MGAT4C: variants seen among roughly 807,000 people sequenced by gnomAD.
The protein encoded by MGAT4C is alpha-1,3-mannosyl-glycoprotein 4-beta-N-acetylglucosaminyltransferase C.
In MGAT4C, 19 loss-of-function variants were observed where a neutral mutation model predicts 40.1. The ratio of observed to expected loss-of-function variants is 0.47; its 90% CI spans 0.33 to 0.70. The LOEUF is 0.70. MGAT4C is among the 30% of genes least tolerant of loss of function. The probability of loss-of-function intolerance (pLI) is 0.02; values close to 1 mark genes in which losing one functional copy is unlikely to be tolerated. For missense variants in MGAT4C, 491 were observed against 563.2 expected (o/e 0.87, Z 1.30); for synonymous variants, 181 against 187.1 (o/e 0.97, Z 0.27).
intron 1 of MGAT4C, among the ~76,000 whole-genome samples, chr12:86,147,211 T>C (rs1407700976): frequency 6.6e-6 from 1 of 152,132 alleles, no homozygotes; most frequent in African/African-American, 2.4e-5. Flanking sequence ...GAGGTGAGGG[T>C]ATAGAGAAGA....
intron 2 of MGAT4C, among the ~76,000 whole-genome samples, chr12:86,673,087 C>T (rs1479381196): frequency 1.3e-5 from 2 of 151,926 alleles, no homozygotes; most frequent in African/African-American, 2.4e-5. Flanking sequence ...GATTCAGTGC[C>T]AAAGTGATAA....
At chr12:86,474,844 G>C (rs908980719) in intron 2 of MGAT4C, among the ~76,000 whole-genome samples, 3 of 151,754 alleles carry the variant, frequency 2.0e-5, no homozygotes, top group South Asian at 2.1e-4. Context: ...AAATGCATTA[G>C]TTTCTTCCTG....
chr12:86,418,654 T>C (rs963560478), intron 3 of MGAT4C, among the ~76,000 whole-genome samples: 1 of 151,798 alleles, frequency 6.6e-6, no homozygotes, highest in Non-Finnish European at 1.5e-5. Flanking sequence ...TTCATTTTTG[T>C]TGAAAAAGTG....
At chr12:86,646,968 C>A (rs1435912677) in intron 2 of MGAT4C, among the ~76,000 whole-genome samples, 3 of 151,910 alleles carry the variant, frequency 2.0e-5, no homozygotes, top group Non-Finnish European at 4.4e-5. Flanking sequence ...GGTGACACAG[C>A]AGAGGCTTTC....
intron 4 of MGAT4C, among the ~76,000 whole-genome samples, chr12:86,312,343 G>C (rs924276510): frequency 2.6e-5 from 4 of 152,212 alleles, no homozygotes; most frequent in Admixed American, 1.3e-4. Flanking sequence ...AATCTGGAAA[G>C]TGTGAAGAGA....
intron 2 of MGAT4C, among the ~76,000 whole-genome samples, chr12:86,460,174 C>G (rs1454033685): frequency 2.0e-5 from 3 of 151,912 alleles, no homozygotes; most frequent in Admixed American, 1.3e-4. Context: ...ATACTGAGAC[C>G]CCATCTCTAA....
At position 86,425,331 on chromosome 12, in the gene MGAT4C, G is replaced by A. The variant is rs113244413; in HGVS notation, c.-120+9826C>T. ...GGATCATGGGGGGTGTTTACCTCAT[G>A]ATGTTCTCATGATAGTGAGTGAGTT... On this transcript the variant is annotated intron_variant, in intron 3 of 7. Coordinates refer to the MGAT4C transcript ENST00000548651. Among the ~76,000 whole-genome samples, 763 of 152,268 alleles carry A rather than the reference G, an allele frequency of 5.0e-3. 3 individuals are homozygous for A. Among genetic ancestry groups the A allele is most frequent in the African/African-American group, 0.018 (733 of 41,552 alleles).
intron 2 of MGAT4C, among the ~76,000 whole-genome samples, chr12:86,666,263 A>G (rs1964103026): frequency 6.6e-6 from 1 of 152,156 alleles, no homozygotes; most frequent in African/African-American, 2.4e-5. Flanking sequence ...TGGCACCATT[A>G]CCCTAAGACT....
chr12:86,748,469 C>T (rs963929514), intron 1 of MGAT4C, among the ~76,000 whole-genome samples: 1 of 151,608 alleles, frequency 6.6e-6, no homozygotes, highest in Non-Finnish European at 1.5e-5. Flanking sequence ...CAAACCTATT[C>T]AAGGATAATT....
chr12:86,591,268 C>T (rs558464518), intron 2 of MGAT4C, among the ~76,000 whole-genome samples: 8 of 152,056 alleles, frequency 5.3e-5, no homozygotes, highest in South Asian at 4.1e-4. Flanking sequence ...GATCAGCATA[C>T]ATCCAGTCCC....
intron 4 of MGAT4C, among the ~76,000 whole-genome samples, chr12:86,261,734 A>G (rs974499302): frequency 6.6e-6 from 1 of 152,060 alleles, no homozygotes. Context: ...TTGAGAGCAT[A>G]CCAGAAGTGT....
chr12:86,050,464 C>T (rs954223582), intron 1 of MGAT4C, among the ~76,000 whole-genome samples: 1 of 152,022 alleles, frequency 6.6e-6, no homozygotes, highest in Non-Finnish European at 1.5e-5. Flanking sequence ...TCTTTTCCCA[C>T]TATACATAAA....
intron 2 of MGAT4C, among the ~76,000 whole-genome samples, chr12:86,578,222 G>A (rs767283479): frequency 6.6e-6 from 1 of 151,690 alleles, no homozygotes; most frequent in Admixed American, 6.6e-5. Flanking sequence ...GCTCTCACAG[G>A]CCCTGGACCT....
chr12:86,162,207 C>A (rs1885666884), intron 1 of MGAT4C, among the ~76,000 whole-genome samples: 1 of 152,102 alleles, frequency 6.6e-6, no homozygotes, highest in South Asian at 2.1e-4. Context: ...ATGCTTATTG[C>A]TGTACTATTC....
chr12:86,084,075 G>A (rs1311208635), intron 1 of MGAT4C, among the ~76,000 whole-genome samples: 1 of 152,034 alleles, frequency 6.6e-6, no homozygotes, highest in Non-Finnish European at 1.5e-5. Flanking sequence ...CTATTTCTGA[G>A]CATCAACTAT....
chr12:86,603,340 T>C (rs1250300313), intron 2 of MGAT4C, among the ~76,000 whole-genome samples: 2 of 135,542 alleles, frequency 1.5e-5, no homozygotes, highest in African/African-American at 5.5e-5. Flanking sequence ...TATAGTATAG[T>C]ATATAATTAT....
intron 2 of MGAT4C, among the ~76,000 whole-genome samples, chr12:86,007,425 T>TA (rs1397792672): frequency 1.3e-5 from 2 of 152,220 alleles, no homozygotes; most frequent in African/African-American, 4.8e-5. Flanking sequence ...TTTCAGGATA[T>TA]AAAAAATATA....
At chr12:86,427,028 A>G (rs187953994) in intron 3 of MGAT4C, among the ~76,000 whole-genome samples, 18 of 152,276 alleles carry the variant, frequency 1.2e-4, no homozygotes, top group African/African-American at 4.3e-4. Context: ...CCATTGTCCT[A>G]TTCAAGTGTC....
At chr12:86,604,103 CAA>C (rs1442287638) in intron 2 of MGAT4C, among the ~76,000 whole-genome samples, 3 of 152,044 alleles carry the variant, frequency 2.0e-5, no homozygotes, top group South Asian at 2.1e-4. Context: ...AACTAAATTA[CAA>C]AGAGGCTTTA....
Sources: allele counts gnomAD v4.1 joint callset (sites outside exome capture counted in the v4.1 genomes callset), GRCh38; gene constraint gnomAD v4.1.1; transcripts MANE v1.5; gene names NCBI Gene and HGNC (gene_info 2026-07-23, HGNC 2026-07-21).